The following GALNTL6 variants were observed in gnomAD, a reference collection of about 807,000 sequenced individuals.
GALNTL6 encodes the protein polypeptide N-acetylgalactosaminyltransferase like 6.
A neutral mutation model predicts 73.7 loss-of-function variants in GALNTL6; 46 were observed. The ratio of observed to expected loss-of-function variants is 0.62; its 90% CI spans 0.49 to 0.80. GALNTL6 has a LOEUF of 0.80. Ranked by LOEUF, GALNTL6 falls within the 30% of genes least tolerant of loss-of-function variation. The probability of loss-of-function intolerance (pLI) is 0.00; values close to 1 mark genes in which losing one functional copy is unlikely to be tolerated. For synonymous variants in GALNTL6, 259 were observed against 263.7 expected (o/e 0.98, Z 0.17); for missense variants, 604 against 755.0 (o/e 0.80, Z 2.34).
chr4:172,589,150 TG>T, intron 5 of GALNTL6, among the ~76,000 whole-genome samples: 1 of 152,270 alleles, frequency 6.6e-6, no homozygotes, highest in South Asian at 2.1e-4. Context: ...ACCTTGTGTT[TG>T]CTTTGTATTT....
At chr4:172,650,657 T>C (rs1047765968) in intron 5 of GALNTL6, among the ~76,000 whole-genome samples, 2 of 152,082 alleles carry the variant, frequency 1.3e-5, no homozygotes, top group Non-Finnish European at 2.9e-5. Flanking sequence ...TACATATCTA[T>C]AATGTGGAAG....
intron 12 of GALNTL6, among the ~76,000 whole-genome samples, chr4:173,030,939 C>T (rs952157370): frequency 6.6e-6 from 1 of 151,550 alleles, no homozygotes; most frequent in Non-Finnish European, 1.5e-5. Flanking sequence ...AAGGACTAGG[C>T]TACAGTGAGT....
chr4:172,144,492 A>T (rs72700953), intron 2 of GALNTL6, among the ~76,000 whole-genome samples: 3,165 of 152,248 alleles, frequency 0.021, 32 homozygotes, highest in Non-Finnish European at 0.031. Flanking sequence ...AATTTTCCCC[A>T]GTCTGATATA....
intron 5 of GALNTL6, among the ~76,000 whole-genome samples, chr4:172,752,959 A>G (rs964991180): frequency 6.6e-6 from 1 of 152,186 alleles, no homozygotes; most frequent in Admixed American, 6.5e-5. Flanking sequence ...TATTTTCATT[A>G]TGATGAATAT....
chr4:171,884,460 A>G (rs557515993), intron 2 of GALNTL6, among the ~76,000 whole-genome samples: 1 of 152,220 alleles, frequency 6.6e-6, no homozygotes, highest in South Asian at 2.1e-4. Flanking sequence ...CAAGAAGCTT[A>G]GTGTCATGCT....
At chr4:172,969,215 A>T (rs1220832802) in intron 10 of GALNTL6, among the ~76,000 whole-genome samples, 2 of 152,120 alleles carry the variant, frequency 1.3e-5, no homozygotes, top group East Asian at 3.9e-4. Context: ...AGGGTATATT[A>T]GAAGAAATAA....
intron 5 of GALNTL6, among the ~76,000 whole-genome samples, chr4:172,803,468 T>C (rs1740775094): frequency 6.6e-6 from 1 of 152,074 alleles, no homozygotes; most frequent in Non-Finnish European, 1.5e-5. Context: ...CATGGAAAAA[T>C]TGTCTTCCAT....
intron 4 of GALNTL6, among the ~76,000 whole-genome samples, chr4:172,319,553 ACTGTCT>A (rs1740683632): frequency 1.3e-5 from 2 of 152,186 alleles, no homozygotes; most frequent in African/African-American, 4.8e-5. Context: ...CAGAAGAAAA[ACTGTCT>A]CTATAAATTT....
At chr4:172,529,385 G>A (rs985506695) in intron 5 of GALNTL6, among the ~76,000 whole-genome samples, 1 of 151,858 alleles carries the variant, frequency 6.6e-6, no homozygotes, top group African/African-American at 2.4e-5. Flanking sequence ...CTGCTAAATA[G>A]TAATCAGTAA....
intron 2 of GALNTL6, chr4:172,052,511 G>A (rs1432847426): frequency 1.3e-6 from 2 of 1,534,936 alleles, no homozygotes; most frequent in Non-Finnish European, 1.7e-6. Context: ...AGACCACGGA[G>A]TGCATGAGCT....
At chr4:172,278,751 A>G (rs892747793) in intron 3 of GALNTL6, among the ~76,000 whole-genome samples, 1 of 152,092 alleles carries the variant, frequency 6.6e-6, no homozygotes, top group Non-Finnish European at 1.5e-5. Context: ...AAAATTAAGA[A>G]CTCCAAATAG....
rs556068826 is a variant in GALNTL6 at position 172,660,230 on chromosome 4, A to G, written c.554-149131A>G. Reference sequence around the variant, plus strand: ...AAACAACTATGATGGCCAGTATTCTACAGCACTGGCACAACTCTCTCACCC... The same window carrying G: ...AAACAACTATGATGGCCAGTATTCTGCAGCACTGGCACAACTCTCTCACCC... On this transcript the variant is annotated intron_variant, in intron 5 of 12. Transcript: ENST00000506823. 3.9e-5 allele frequency among the ~76,000 whole-genome samples: 6 copies of G among 152,358 alleles called. No homozygotes were observed. In the East Asian group the frequency reaches 1.2e-3, roughly 29 times the overall value.
intron 4 of GALNTL6, among the ~76,000 whole-genome samples, chr4:172,337,559 T>G (rs1741382673): frequency 6.6e-6 from 1 of 152,182 alleles, no homozygotes; most frequent in South Asian, 2.1e-4. Flanking sequence ...TACATTAATT[T>G]TTTTTTTAAG....
chr4:172,296,255 G>C (rs1273938558), intron 3 of GALNTL6, among the ~76,000 whole-genome samples: 3 of 151,992 alleles, frequency 2.0e-5, no homozygotes, highest in Admixed American at 1.3e-4. Flanking sequence ...CTGTTACTGT[G>C]GTGAACTATG....
chr4:171,876,419 C>T (rs1736279975), intron 2 of GALNTL6, among the ~76,000 whole-genome samples: 1 of 152,144 alleles, frequency 6.6e-6, no homozygotes, highest in African/African-American at 2.4e-5. Flanking sequence ...ATGTCATCTA[C>T]ATTAGTCTGA....
chr4:172,386,761 A>G (rs1743486341), intron 5 of GALNTL6, among the ~76,000 whole-genome samples: 1 of 152,044 alleles, frequency 6.6e-6, no homozygotes, highest in African/African-American at 2.4e-5. Context: ...TTTTCAGAAG[A>G]GGGAGAAAAA....
chr4:171,845,002 T>G (rs1266567198), intron 2 of GALNTL6, among the ~76,000 whole-genome samples: 1 of 152,138 alleles, frequency 6.6e-6, no homozygotes, highest in East Asian at 1.9e-4. Context: ...CTGTTCTCCA[T>G]TCCATGAATA....
At chr4:172,277,274 AT>A (rs1738866701) in intron 3 of GALNTL6, among the ~76,000 whole-genome samples, 1 of 151,910 alleles carries the variant, frequency 6.6e-6, no homozygotes, top group Non-Finnish European at 1.5e-5. Flanking sequence ...AAAAAAAAAA[AT>A]ACTTCGCAAC....
intron 4 of GALNTL6, among the ~76,000 whole-genome samples, chr4:172,344,261 A>G (rs1741666540): frequency 6.6e-6 from 1 of 152,198 alleles, no homozygotes; most frequent in Non-Finnish European, 1.5e-5. Flanking sequence ...TGCAGAGCCT[A>G]AATAAAGCCC....
Sources: gnomAD v4.1 joint callset for allele counts (sites outside exome capture counted in the v4.1 genomes callset) on GRCh38, gnomAD v4.1.1 for gene constraint, MANE v1.5 for transcripts, NCBI Gene and HGNC (gene_info 2026-07-23, HGNC 2026-07-21) for gene names.